Variants in FOCAD observed in about 807,000 individuals in gnomAD.
The protein encoded by FOCAD is focadhesin, also known as KIAA1797.
In FOCAD, 198 loss-of-function variants were observed where a neutral mutation model predicts 225.6. That is an observed-to-expected ratio of 0.88 (90% CI 0.78 to 0.99). The LOEUF is 0.99. Ranked by LOEUF, FOCAD falls within the 50% of genes least tolerant of loss-of-function variation. The pLI is 0.00. For missense variants in FOCAD, 2,713 were observed against 2,123.6 expected, an observed-to-expected ratio of 1.28 and a Z score of -5.46; for synonymous variants, 897 against 755.0, an observed-to-expected ratio of 1.19 and a Z score of -3.08.
intron 11 of FOCAD, among the ~76,000 whole-genome samples, chr9:20,807,626 T>A (rs1303124249): frequency 4.6e-5 from 7 of 152,244 alleles, no homozygotes; most frequent in Non-Finnish European, 1.0e-4. Flanking sequence ...CCACTGTACA[T>A]CTTGATTCAG....
chr9:20,689,590 T>C (rs1465078888), intron 1 of FOCAD, among the ~76,000 whole-genome samples: 1 of 152,058 alleles, frequency 6.6e-6, no homozygotes, highest in East Asian at 1.9e-4. Context: ...ATGGGGAGCA[T>C]CTAGTGAAGA....
chr9:20,850,634 A>G (rs375558682), intron 15 of FOCAD, among the ~76,000 whole-genome samples: 1 of 151,814 alleles, frequency 6.6e-6, no homozygotes, highest in South Asian at 2.1e-4. Flanking sequence ...AGCAAAAAGT[A>G]TTTAAAGACT....
chr9:20,833,995 AC>A (rs775224671), intron 15 of FOCAD, among the ~76,000 whole-genome samples: 1 of 152,130 alleles, frequency 6.6e-6, no homozygotes, highest in African/African-American at 2.4e-5. Flanking sequence ...CTAGATACTT[AC>A]CCAAGTAAAC....
intron 5 of FOCAD, among the ~76,000 whole-genome samples, chr9:20,743,194 G>GT (rs1370070208): frequency 6.6e-6 from 1 of 152,170 alleles, no homozygotes; most frequent in Non-Finnish European, 1.5e-5. Context: ...GATGAGCTGT[G>GT]TATGAAAGCA....
In FOCAD at chr9:20,948,382, G is replaced by A; in HGVS notation, c.3787G>A (p.Val1263Ile). The A allele has an allele frequency of 6.2e-7, 1 of 1,611,754 alleles. No homozygotes were observed. The highest frequency in any genetic ancestry group is 8.5e-7 in the Non-Finnish European group (1 of 1,178,460). ...ACTACTCCCTGCCTGGATCAGAATT[G>A]TTCTAACAGAGGTAGAGGTCACCTG... ...SKLLPAWIRI[V>I]LTEGTPTMLC... The change falls in exon 31 of 44, where the codon GTT becomes ATT. Residue 1263 changes from valine to isoleucine, a missense_variant. Physicochemically the swap from Val to Ile is conservative, Grantham distance 29 (BLOSUM62 3). Transcript: ENST00000338382.
At chr9:20,805,023 T>G (rs997429507) in intron 11 of FOCAD, among the ~76,000 whole-genome samples, 1 of 152,210 alleles carries the variant, frequency 6.6e-6, no homozygotes, top group African/African-American at 2.4e-5. Context: ...TTTTGTAACA[T>G]GTCATGCATG....
intron 36 of FOCAD, 98 bp downstream of exon 36, chr9:20,976,646 G>A (rs1587765547): frequency 3.1e-6 from 4 of 1,275,912 alleles, no homozygotes; most frequent in East Asian, 2.4e-5. Context: ...TGACTGGATA[G>A]ACTTTTCAGA....
At chr9:20,896,439 A>C (rs1832095254) in intron 21 of FOCAD, among the ~76,000 whole-genome samples, 1 of 151,898 alleles carries the variant, frequency 6.6e-6, no homozygotes, top group African/African-American at 2.4e-5. Context: ...AATTGGTGTG[A>C]TATCCTCCTT....
At chr9:20,697,077 A>G (rs752834510) in intron 1 of FOCAD, among the ~76,000 whole-genome samples, 9 of 152,072 alleles carry the variant, frequency 5.9e-5, no homozygotes, top group African/African-American at 9.7e-5. Flanking sequence ...AATATTCCCA[A>G]TCTCAGATAT....
At chr9:20,835,556 G>T (rs1825912653) in intron 15 of FOCAD, among the ~76,000 whole-genome samples, 1 of 152,020 alleles carries the variant, frequency 6.6e-6, no homozygotes, top group Admixed American at 6.6e-5. Context: ...TTCTCTAACT[G>T]GGTAAGAATC....
intron 24 of FOCAD, among the ~76,000 whole-genome samples, chr9:20,917,307 T>G (rs1833955704): frequency 6.6e-6 from 1 of 152,130 alleles, no homozygotes; most frequent in Non-Finnish European, 1.5e-5. Context: ...ATGTTGGTAG[T>G]ACTTCCTTTT....
At chr9:20,676,895 A>G (rs1306380111) in intron 2 of FOCAD, among the ~76,000 whole-genome samples, 3 of 152,208 alleles carry the variant, frequency 2.0e-5, no homozygotes, top group East Asian at 3.8e-4. Flanking sequence ...ACAACATAAA[A>G]TTTATAACAA....
intron 1 of FOCAD, among the ~76,000 whole-genome samples, chr9:20,703,002 A>G (rs907048084): frequency 6.6e-6 from 1 of 152,162 alleles, no homozygotes; most frequent in Non-Finnish European, 1.5e-5. Flanking sequence ...GCAAGACTCC[A>G]TCTCACAAAA....
intron 15 of FOCAD, among the ~76,000 whole-genome samples, chr9:20,861,239 G>A (rs1369179889): frequency 6.6e-6 from 1 of 152,144 alleles, no homozygotes; most frequent in Non-Finnish European, 1.5e-5. Context: ...ACAATAAGGT[G>A]TCAAGTTTTT....
chr9:20,720,468 T>C lies in FOCAD; in HGVS notation c.221T>C (p.Val74Ala). Reference protein sequence around the residue: ...TACCEGLVALVAQDHAEFSYV... With the variant: ...TACCEGLVALAAQDHAEFSYV... ...TGCTGTGAAGGTCTGGTGGCACTCG[T>C]TGCTCAGGATCATGCAGAGTTCAGC... The change falls in exon 4 of 44, where the codon GTT becomes GCT. Residue 74 changes from valine to alanine, a missense_variant. Coordinates refer to ENST00000338382, the MANE Select transcript of FOCAD (RefSeq NM_001375567.1). 1 of 1,614,108 alleles carries C rather than the reference T, an allele frequency of 6.2e-7. No individual in the cohort carries two copies. The highest frequency in any genetic ancestry group is 2.2e-5 in the East Asian group (1 of 44,862).
At chr9:20,891,918 C>T (rs998168260) in intron 21 of FOCAD, among the ~76,000 whole-genome samples, 3 of 152,142 alleles carry the variant, frequency 2.0e-5, no homozygotes, top group African/African-American at 7.2e-5. Context: ...GACAGGCTGG[C>T]TGTCTTGTTA....
intron 19 of FOCAD, 82 bp downstream of exon 19, chr9:20,874,889 T>C: frequency 1.3e-6 from 2 of 1,528,906 alleles, no homozygotes; most frequent in Non-Finnish European, 1.8e-6. Flanking sequence ...GATAGGTACA[T>C]AGTATAGTTT....
At chr9:20,988,235 C>G in intron 40 of FOCAD, 97 bp from the exon 41 acceptor site, 1 of 663,546 alleles carries the variant, frequency 1.5e-6, no homozygotes, top group South Asian at 2.2e-5. Flanking sequence ...GGAATCCTCA[C>G]CAGGTGTTCT....
At chr9:20,816,719 C>A (rs1273045118) in intron 11 of FOCAD, among the ~76,000 whole-genome samples, 3 of 152,012 alleles carry the variant, frequency 2.0e-5, no homozygotes, top group Non-Finnish European at 4.4e-5. Context: ...TGAACAAATA[C>A]AGTGGGCCCT....
Sources: gnomAD v4.1 joint callset for allele counts (sites outside exome capture counted in the v4.1 genomes callset) on GRCh38, gnomAD v4.1.1 for gene constraint, MANE v1.5 for transcripts, NCBI Gene and HGNC (gene_info 2026-07-23, HGNC 2026-07-21) for gene names.